The following UNC5C variants were observed in gnomAD, a reference collection of about 807,000 sequenced individuals.
The protein encoded by UNC5C is unc-5 netrin receptor C, also known as netrin receptor UNC5C.
A neutral mutation model predicts 99.8 loss-of-function variants in UNC5C; 47 were observed. The observed-to-expected ratio is 0.47, with a 90% CI of 0.37 to 0.60. The LOEUF (loss-of-function observed/expected upper bound fraction) is 0.60, where lower values mean the gene tolerates loss of function less well. Ranked by LOEUF, UNC5C falls within the 20% of genes least tolerant of loss-of-function variation. The pLI is 0.00. For missense variants in UNC5C, 1,062 were observed against 1,165.9 expected, an observed-to-expected ratio of 0.91 and a Z score of 1.30; for synonymous variants, 487 against 452.2, an observed-to-expected ratio of 1.08 and a Z score of -0.98.
At chr4:95,370,590 T>A (rs1744714152) in intron 1 of UNC5C, among the ~76,000 whole-genome samples, 1 of 152,192 alleles carries the variant, frequency 6.6e-6, no homozygotes, top group Admixed American at 6.5e-5. Context: ...AAGAAAGGTT[T>A]ATTTGTACTC....
chr4:95,383,137 T>C (rs1327738316), intron 1 of UNC5C, among the ~76,000 whole-genome samples: 1 of 152,160 alleles, frequency 6.6e-6, no homozygotes, highest in Non-Finnish European at 1.5e-5. Flanking sequence ...AAACTAAAGA[T>C]AAGCACAAAA....
intron 1 of UNC5C, among the ~76,000 whole-genome samples, chr4:95,489,965 A>G (rs1247620433): frequency 6.6e-6 from 1 of 151,628 alleles, no homozygotes; most frequent in Non-Finnish European, 1.5e-5. Context: ...ATGGAACTTA[A>G]TGAGATTACC....
At chr4:95,234,839 A>T (rs1042891515) in intron 7 of UNC5C, among the ~76,000 whole-genome samples, 3 of 152,204 alleles carry the variant, frequency 2.0e-5, no homozygotes, top group Admixed American at 6.5e-5. Flanking sequence ...TGAGTGGTAT[A>T]AAAATGTAAT....
chr4:95,229,874 G>A (rs1472279602), intron 7 of UNC5C, among the ~76,000 whole-genome samples: 3 of 131,508 alleles, frequency 2.3e-5, no homozygotes, highest in East Asian at 4.8e-4. Context: ...GCAGTGGCAC[G>A]ATCTTGGCTC....
rs144306140 is a variant in UNC5C, at chr4:95,182,914, T to G, written c.2434A>C (p.Asn812His). The change falls in exon 14 of 16, where the codon AAC (asparagine) becomes CAC (histidine). Residue 812 changes from asparagine to histidine, a missense_variant. Coordinates refer to ENST00000453304, the MANE Select transcript of UNC5C (RefSeq NM_003728.4). ...CCACTTACCTCTGACACGGTGCAGT[T>G]GAGCTGGAAGATCTGCCCTTCTCCT... is the stretch of plus-strand genomic sequence containing the variant. ...VEGEGQIFQL[N>H]CTVSEEPTGI... 4.8e-5 allele frequency: 78 copies of G among 1,613,282 alleles called. No individual in the cohort carries two copies. Among genetic ancestry groups the G allele is most frequent in the Non-Finnish European group, 6.4e-5 (76 of 1,179,452 alleles).
chr4:95,507,875 C>T (rs1006248909), intron 1 of UNC5C, among the ~76,000 whole-genome samples: 2 of 151,996 alleles, frequency 1.3e-5, no homozygotes, highest in South Asian at 2.1e-4. Flanking sequence ...TCAGCTAAAA[C>T]GCATACAGGG....
intron 1 of UNC5C, among the ~76,000 whole-genome samples, chr4:95,379,187 C>A (rs1376524325): frequency 1.3e-5 from 2 of 152,106 alleles, no homozygotes; most frequent in Non-Finnish European, 2.9e-5. Context: ...GACTCCATGC[C>A]TCCAAGTTCA....
In UNC5C at chr4:95,465,864, C is replaced by A. The variant is rs551306939; in HGVS notation, c.124+82870G>T. Among the ~76,000 whole-genome samples, 4 of 152,198 alleles carry A rather than the reference C, an allele frequency of 2.6e-5. No individual in the cohort carries two copies. The East Asian group carries it at 7.8e-4, about 30-fold the overall frequency. On this transcript the variant is annotated intron_variant, in intron 1 of 15. Transcript: ENST00000453304. ...TCTCCTTTCTGCACTCCTGCCCGGGCCTTGGAACATGTTTTCTATCTTCAC... is the reference window on the plus strand; with the variant it reads ...TCTCCTTTCTGCACTCCTGCCCGGGACTTGGAACATGTTTTCTATCTTCAC...
chr4:95,454,214 C>A (rs571829490), intron 1 of UNC5C, among the ~76,000 whole-genome samples: 1 of 152,008 alleles, frequency 6.6e-6, no homozygotes, highest in South Asian at 2.1e-4. Flanking sequence ...TACTTTGTGG[C>A]AGTTTGAAAT....
Position 95,354,479 on chromosome 4 carries a change from A to ATATATATTTTTTTTT in UNC5C, c.125-18849_125-18848insAAAAAAAAATATATA. On this transcript the variant is annotated intron_variant, in intron 1 of 15. Transcript: ENST00000453304. Reference sequence around the variant, plus strand: ...TTACCTAACTCTTCCATATATATATATTTTTTTTTTTTTTTTAAGAGACAG... The same window carrying ATATATATTTTTTTTT: ...TTACCTAACTCTTCCATATATATATATATATATTTTTTTTTTTTTTTTTTTTTTTTTAAGAGACAG... 1.8e-3 allele frequency among the ~76,000 whole-genome samples: 204 copies of ATATATATTTTTTTTT among 110,326 alleles called. 1 individual carries two copies. The highest frequency in any genetic ancestry group is 4.5e-3 in the Middle Eastern group (1 of 222). The allele number at this position is 110,326 out of a possible 152,430, so 72.4% of individuals were successfully genotyped here. A position where few individuals can be genotyped will look rare whatever the true frequency, so the allele number is the denominator to read the frequency against.
intron 1 of UNC5C, among the ~76,000 whole-genome samples, chr4:95,421,619 T>TACACACACACACAC (rs3069166): frequency 0.012 from 1,757 of 149,628 alleles, 28 homozygotes; most frequent in East Asian, 0.034. Flanking sequence ...CACTCTCTTT[T>TACACACACACACAC]ACACACACAC....
At chr4:95,479,652 G>T (rs1434692962) in intron 1 of UNC5C, among the ~76,000 whole-genome samples, 2 of 151,832 alleles carry the variant, frequency 1.3e-5, no homozygotes, top group African/African-American at 4.8e-5. Context: ...ATAAGGAATA[G>T]CTTAGTTTAT....
intron 1 of UNC5C, among the ~76,000 whole-genome samples, chr4:95,499,875 T>C (rs1329404522): frequency 6.6e-6 from 1 of 151,902 alleles, no homozygotes; most frequent in Non-Finnish European, 1.5e-5. Flanking sequence ...CTGTGGAAAT[T>C]AACAAAAAAG....
intron 1 of UNC5C, among the ~76,000 whole-genome samples, chr4:95,401,152 G>A (rs187636936): frequency 1.1e-3 from 161 of 151,972 alleles, no homozygotes; most frequent in African/African-American, 3.7e-3. Context: ...AATATATTTT[G>A]TTAATTTGGA....
intron 10 of UNC5C, among the ~76,000 whole-genome samples, chr4:95,211,177 C>T (rs1738063404): frequency 6.6e-6 from 1 of 152,164 alleles, no homozygotes; most frequent in South Asian, 2.1e-4. Context: ...GTGGACATGT[C>T]TTTTATCTGG....
intron 1 of UNC5C, among the ~76,000 whole-genome samples, chr4:95,536,082 A>ATATATATTTTTTT (rs1180330785): frequency 1.3e-5 from 1 of 78,444 alleles, no homozygotes; most frequent in South Asian, 3.5e-4. Context: ...ATATATATAT[A>ATATATATTTTTTT]TTTTTTTTTT....
intron 1 of UNC5C, among the ~76,000 whole-genome samples, chr4:95,547,260 C>T (rs1723094667): frequency 6.6e-6 from 1 of 152,058 alleles, no homozygotes; most frequent in Non-Finnish European, 1.5e-5. Flanking sequence ...ATGAGCAGGG[C>T]CACTTAGCAG....
chr4:95,420,249 A>G (rs1746278423), intron 1 of UNC5C, among the ~76,000 whole-genome samples: 1 of 152,178 alleles, frequency 6.6e-6, no homozygotes, highest in Non-Finnish European at 1.5e-5. Flanking sequence ...CAGTAACTTT[A>G]GGTTCTAATT....
intron 10 of UNC5C, among the ~76,000 whole-genome samples, chr4:95,215,623 C>T (rs2149366127): frequency 6.6e-6 from 1 of 152,008 alleles, no homozygotes; most frequent in South Asian, 2.1e-4. Flanking sequence ...AAGTGTTAAA[C>T]ATAAGAAGGA....
Sources: allele counts gnomAD v4.1 joint callset (sites outside exome capture counted in the v4.1 genomes callset), GRCh38; gene constraint gnomAD v4.1.1; transcripts MANE v1.5; gene names NCBI Gene and HGNC (gene_info 2026-07-23, HGNC 2026-07-21).